The following DOCK5 variants were observed in gnomAD, a reference collection of about 807,000 sequenced individuals.
DOCK5 encodes the protein dedicator of cytokinesis protein 5.
Under a neutral mutation model 251.8 loss-of-function variants are expected in DOCK5, and 142 were observed. The ratio of observed to expected loss-of-function variants is 0.56; its 90% CI spans 0.49 to 0.65. The LOEUF (loss-of-function observed/expected upper bound fraction) is 0.65. DOCK5 is among the 30% of genes least tolerant of loss of function. The probability of loss-of-function intolerance (pLI) is 0.00; values close to 1 mark genes in which losing one functional copy is unlikely to be tolerated. For missense variants in DOCK5, 2,111 were observed against 2,312.3 expected (o/e 0.91, Z 1.79); for synonymous variants, 842 against 835.5 (o/e 1.01, Z -0.13).
Position 25,415,682 on chromosome 8 carries a change from T to C in DOCK5, c.*4384T>C, listed in dbSNP as rs1202285630. The C allele has an allele frequency of 6.6e-6, 1 of 152,248 alleles. No homozygotes were observed. Among genetic ancestry groups the C allele is most frequent in the African/African-American group, 2.4e-5 (1 of 41,468 alleles). 9.4% of individuals were successfully genotyped at this position (152,248 alleles called of 1,614,324 possible). A position where few individuals can be genotyped will look rare whatever the true frequency, so the allele number is the denominator to read the frequency against. ...TGTTCAGATTTGCTGTTATTTATTT[T>C]TTAAATTAAAAATGGAAATGTATTT... On this transcript the variant is annotated 3_prime_UTR_variant, in exon 52 of 52. Transcript: ENST00000276440.
chr8:25,223,992 A>G (rs1198667097), intron 1 of DOCK5, among the ~76,000 whole-genome samples: 1 of 152,232 alleles, frequency 6.6e-6, no homozygotes, highest in Admixed American at 6.5e-5. Context: ...TCCAACATGG[A>G]GAACAAGGCT....
rs748407561 is a variant in DOCK5 at position 25,345,503 on chromosome 8, G to T, written c.2646G>T (p.Leu882=). The T allele has an allele frequency of 1.9e-6, 3 of 1,613,870 alleles. No homozygotes were observed. ...SECREVLLPL[L]TDQLSGQLDD... ...GCAGAGAAGTGCTGCTGCCACTGCT[G>T]ACAGACCAGCTCAGCGGCCAGTTAG... Residue 882 remains leucine (L), a synonymous_variant, in exon 26 of 52, where the codon CTG becomes CTT. Transcript: ENST00000276440.
intron 33 of DOCK5, 68 bp from the exon 34 acceptor site, chr8:25,369,488 T>A: frequency 6.9e-7 from 1 of 1,445,118 alleles, no homozygotes; most frequent in South Asian, 1.2e-5. Flanking sequence ...TGGCCAAGTC[T>A]AGAAAGTTGG....
chr8:25,413,604 A>G lies in DOCK5; in HGVS notation c.*2306A>G, dbSNP rs1377922375. On this transcript the variant is annotated 3_prime_UTR_variant, in exon 52 of 52. Coordinates refer to ENST00000276440, the MANE Select transcript of DOCK5 (RefSeq NM_024940.8). ...TAGAAAGATATAAAACTGGGTCACC[A>G]AAAAAACCAAACCTCAAGGCTATCC... 6.6e-6 allele frequency: 1 copy of G among 152,186 alleles called. No individual in the cohort carries two copies. The highest frequency in any genetic ancestry group is 1.5e-5 in the Non-Finnish European group (1 of 68,052). 9.4% of individuals were successfully genotyped at this position (152,186 alleles called of 1,614,324 possible).
intron 51 of DOCK5, 44 bp from the exon 52 acceptor site, chr8:25,411,150 G>A (rs1801625246): frequency 6.8e-7 from 1 of 1,469,916 alleles, no homozygotes; most frequent in Non-Finnish European, 9.0e-7. Context: ...GAATTGGGAA[G>A]AAAGCTAAGA....
intron 40 of DOCK5, among the ~76,000 whole-genome samples, chr8:25,387,186 CTT>C (rs71551804): frequency 2.0e-4 from 25 of 124,628 alleles, no homozygotes; most frequent in Admixed American, 2.6e-4. Context: ...AGACCAGTGA[CTT>C]TTTTTTTTTT....
At chr8:25,398,412 A>G (rs553238076) in intron 45 of DOCK5, among the ~76,000 whole-genome samples, 1 of 152,296 alleles carries the variant, frequency 6.6e-6, no homozygotes, top group South Asian at 2.1e-4. Flanking sequence ...ATTATTTCAT[A>G]TATATTCATA....
intron 48 of DOCK5, among the ~76,000 whole-genome samples, chr8:25,406,110 C>T (rs561240102): frequency 3.9e-5 from 6 of 152,250 alleles, no homozygotes; most frequent in African/African-American, 1.4e-4. Context: ...AGGCGCCCGC[C>T]ACCATGCCCG....
intron 13 of DOCK5, among the ~76,000 whole-genome samples, chr8:25,313,254 C>G (rs1372935441): frequency 2.6e-5 from 4 of 152,100 alleles, no homozygotes; most frequent in Non-Finnish European, 5.9e-5. Context: ...GTGATTCTGT[C>G]CACGCTCTTT....
intron 38 of DOCK5, among the ~76,000 whole-genome samples, chr8:25,378,675 G>A (rs370924652): frequency 1.3e-5 from 2 of 152,150 alleles, no homozygotes; most frequent in Admixed American, 6.5e-5. Context: ...CACTGAGGAC[G>A]TGCTTTAGCC....
intron 1 of DOCK5, among the ~76,000 whole-genome samples, chr8:25,194,162 T>C (rs905707072): frequency 7.4e-5 from 11 of 148,352 alleles, no homozygotes; most frequent in African/African-American, 2.7e-4. Context: ...GGTGTGGCGG[T>C]GCTCACCTGT....
At chr8:25,351,683 G>C in intron 26 of DOCK5, 48 bp from the exon 27 acceptor site, 2 of 1,490,376 alleles carry the variant, frequency 1.3e-6, no homozygotes, top group Non-Finnish European at 1.9e-6. Context: ...CTTAAAGAAA[G>C]TGAAACTGAG....
chr8:25,239,434 G>C lies in DOCK5; in HGVS notation c.44-4240G>C, dbSNP rs113977737. On this transcript the variant is annotated intron_variant, in intron 1 of 51. Coordinates refer to ENST00000276440, the MANE Select transcript of DOCK5 (RefSeq NM_024940.8). ...CCAGTGCAAGGTGCTGCCTTTGAGA[G>C]CTTCTGCTTACTTTTCCAATGACCG... 5.9e-3 allele frequency among the ~76,000 whole-genome samples: 899 copies of C among 151,782 alleles called. 12 individuals are homozygous for C. Among genetic ancestry groups the C allele is most frequent in the African/African-American group, 0.021 (860 of 41,330 alleles).
rs761860047 is a variant in DOCK5, at chr8:25,340,886, G to A, written c.2337G>A (p.Gly779=). ...QSRVLYLRFY[G]QSKDGDEFNN... ...TCTTTTTCCTATTAAGATTTTATGG[G>A]CAGAGCAAAGATGGAGATGAGTTTA... The change falls in exon 23 of 52, where the codon GGG becomes GGA. Residue 779 remains glycine, a synonymous_variant. Coordinates refer to ENST00000276440, the MANE Select transcript of DOCK5 (RefSeq NM_024940.8). The A allele has an allele frequency of 1.2e-6, 2 of 1,613,242 alleles. No individual in the cohort carries two copies. The highest frequency in any genetic ancestry group is 2.2e-5 in the South Asian group (2 of 90,878).
chr8:25,225,562 C>T (rs543429579), intron 1 of DOCK5, among the ~76,000 whole-genome samples: 187 of 152,108 alleles, frequency 1.2e-3, no homozygotes, highest in South Asian at 4.4e-3. Context: ...CAAAATTAGC[C>T]GGGCGTGGTG....
At chr8:25,341,034 G>C in intron 23 of DOCK5, 46 bp downstream of exon 23, 1 of 1,462,314 alleles carries the variant, frequency 6.8e-7, no homozygotes, top group South Asian at 1.2e-5. Flanking sequence ...GCTGTGGTAA[G>C]GATGTTCTGG....
chr8:25,362,462 C>CTTTTTTTTTTTTTTTTTTTTTTTTTT (rs869096662), intron 28 of DOCK5, among the ~76,000 whole-genome samples: 5 of 54,634 alleles, frequency 9.2e-5, no homozygotes, highest in Admixed American at 2.1e-4. Context: ...CTTTTCTTTT[C>CTTTTTTTTTTTTTTTTTTTTTTTTTT]TTTTTTTTTT....
chr8:25,394,166 A>G (rs1801306283), intron 44 of DOCK5, among the ~76,000 whole-genome samples: 1 of 152,180 alleles, frequency 6.6e-6, no homozygotes, highest in Admixed American at 6.5e-5. Flanking sequence ...GGTTACAGTG[A>G]GCTGTGAATA....
chr8:25,307,156 G>A (rs1804964815), intron 11 of DOCK5, among the ~76,000 whole-genome samples: 1 of 147,648 alleles, frequency 6.8e-6, no homozygotes, highest in Admixed American at 6.8e-5. Context: ...ATTTGCTCTT[G>A]TTGCCCAGGC....
Sources: gnomAD v4.1 joint callset for allele counts (sites outside exome capture counted in the v4.1 genomes callset) on GRCh38, gnomAD v4.1.1 for gene constraint, MANE v1.5 for transcripts, NCBI Gene and HGNC (gene_info 2026-07-23, HGNC 2026-07-21) for gene names.